PLA2G15: variants seen among roughly 807,000 people sequenced by gnomAD.
PLA2G15 encodes the protein lysosomal phospholipase A and acyltransferase.
Under a neutral mutation model 40.9 loss-of-function variants are expected in PLA2G15, and 20 were observed. The observed-to-expected ratio is 0.49, with a 90% confidence interval of 0.34 to 0.71. The LOEUF is 0.71. Ranked by LOEUF, PLA2G15 falls within the 30% of genes least tolerant of loss-of-function variation. The probability of loss-of-function intolerance (pLI) is 0.01; values close to 1 mark genes in which losing one functional copy is unlikely to be tolerated. For synonymous variants in PLA2G15, 223 were observed against 228.2 expected (o/e 0.98, Z 0.21); for missense variants, 471 against 541.9 (o/e 0.87, Z 1.30).
chr16:68,254,586 G>A (rs1019679481), intron 2 of PLA2G15: 8 of 177,780 alleles, frequency 4.5e-5, no homozygotes, highest in Non-Finnish European at 9.5e-5. Context: ...TGACCTGCCA[G>A]CCTCAGCCTC....
At chr16:68,250,220 G>C in intron 2 of PLA2G15, 1 of 109,438 alleles carries the variant, frequency 9.1e-6, no homozygotes, top group Non-Finnish European at 1.6e-5. Context: ...TGCTCTTATT[G>C]CCCAGGCTGG....
intron 1 of PLA2G15, among the ~76,000 whole-genome samples, chr16:68,247,408 T>C (rs10500543): frequency 0.11 from 16,201 of 152,206 alleles, 991 homozygotes; most frequent in South Asian, 0.2. Flanking sequence ...CCAGTGTTAC[T>C]TGAGGTGAAA....
At chr16:68,253,474 CA>C in intron 2 of PLA2G15, 1 of 434,636 alleles carries the variant, frequency 2.3e-6, no homozygotes, top group Non-Finnish European at 4.6e-6. Context: ...CTCCCAGGCT[CA>C]AGCACTTCTC....
rs2042429336 is a variant in PLA2G15 at position 68,259,625 on chromosome 16, G to A, written c.1207G>A (p.Ala403Thr). 11 of 1,612,962 alleles carry A rather than the reference G, an allele frequency of 6.8e-6. No individual in the cohort carries two copies. The highest frequency in any genetic ancestry group is 9.3e-6 in the Non-Finnish European group (11 of 1,179,886). Residue 403 changes from alanine to threonine, a missense_variant, in exon 6 of 6, where the codon GCC becomes ACC. Coordinates refer to ENST00000219345, the MANE Select transcript of PLA2G15 (RefSeq NM_012320.4). The surrounding 1 kb of genome is among the most constrained non-coding windows in gnomAD (Gnocchi z 6.5). ...GATGCTGGCCAACGCCACCACCCTGGCCTATCTGAAACGTGTGCTCCTTGG... is the reference window on the plus strand; with the variant it reads ...GATGCTGGCCAACGCCACCACCCTGACCTATCTGAAACGTGTGCTCCTTGG... ...IEMLANATTL[A>T]YLKRVLLGP is the part of the protein sequence containing the mutation.
chr16:68,249,488 A>G, intron 2 of PLA2G15, 42 bp downstream of exon 2: 2 of 1,576,086 alleles, frequency 1.3e-6, no homozygotes, highest in Non-Finnish European at 1.7e-6. Flanking sequence ...GCTCACCAAC[A>G]GTGCCTGAGA....
chr16:68,255,937 C>T lies in PLA2G15; in HGVS notation c.674C>T (p.Ser225Leu). Residue 225 changes from serine to leucine, a missense_variant, in exon 5 of 6, where the codon TCA becomes TTA. By Grantham distance (145) the Ser-to-Leu change is moderately radical. Transcript: ENST00000219345. The surrounding 1 kb of genome is among the most constrained non-coding windows in gnomAD (Gnocchi z 5.9). The part of the protein sequence containing the change: ...WKDKYIRAFV[S>L]LGAPWGGVAK... ...GACAAGTATATCCGGGCCTTCGTGTCACTGGGTGCGCCCTGGGGGGGCGTG... is the reference window on the plus strand; with the variant it reads ...GACAAGTATATCCGGGCCTTCGTGTTACTGGGTGCGCCCTGGGGGGGCGTG... 4 of 1,612,566 alleles carry T rather than the reference C, an allele frequency of 2.5e-6. No individual in the cohort carries two copies. The highest frequency in any genetic ancestry group is 3.4e-6 in the Non-Finnish European group (4 of 1,179,864).
In PLA2G15 at chr16:68,259,753, C is replaced by T. The variant is rs1428336508; in HGVS notation, c.*96C>T. On this transcript the variant is annotated 3_prime_UTR_variant, in exon 6 of 6. Transcript: ENST00000219345. This position sits in a 1 kb window ranked among gnomAD's most constrained non-coding sequence, Gnocchi z 6.5. The stretch of plus-strand genomic sequence containing the variant: ...CGCGTTTTGCAAAGTTTGTGACTCA[C>T]CATTCAAGGCCCCGAGTCTTGGACT... 5 of 1,116,470 alleles carry T rather than the reference C, an allele frequency of 4.5e-6. No individual in the cohort carries two copies. The highest frequency in any genetic ancestry group is 6.4e-6 in the Non-Finnish European group (5 of 778,512). The allele number at this position is 1,116,470 out of a possible 1,614,324, so 69.2% of individuals were successfully genotyped here. A position where few individuals can be genotyped will look rare whatever the true frequency, so the allele number is the denominator to read the frequency against.
At chr16:68,258,069 A>G (rs2151206400) in intron 5 of PLA2G15, among the ~76,000 whole-genome samples, 1 of 152,216 alleles carries the variant, frequency 6.6e-6, no homozygotes, top group East Asian at 1.9e-4. Context: ...GTGACCATGG[A>G]TCCTGAACAG....
intron 5 of PLA2G15, among the ~76,000 whole-genome samples, chr16:68,256,953 T>A (rs991748593): frequency 6.6e-6 from 1 of 150,714 alleles, no homozygotes; most frequent in African/African-American, 2.4e-5. Context: ...GTGATTTTGG[T>A]TCATGCAACC....
At chr16:68,253,482 TCTC>T (rs141030968) in intron 2 of PLA2G15, 5,538 of 435,776 alleles carry the variant, frequency 0.013, 83 homozygotes, top group Non-Finnish European at 0.017. Flanking sequence ...CTCAAGCACT[TCTC>T]CTGCCTCAGA....
At chr16:68,250,084 T>A (rs2042341031) in intron 2 of PLA2G15, among the ~76,000 whole-genome samples, 1 of 151,794 alleles carries the variant, frequency 6.6e-6, no homozygotes, top group Non-Finnish European at 1.5e-5. Flanking sequence ...CTGCTTATTC[T>A]TCTTGGGACA....
At chr16:68,254,559 C>T (rs1233899848) in intron 2 of PLA2G15, 3 of 169,048 alleles carry the variant, frequency 1.8e-5, no homozygotes, top group Admixed American at 5.9e-5. Flanking sequence ...AGGCTGGTCT[C>T]AAACTCCTCA....
chr16:68,258,044 A>G (rs2042415321), intron 5 of PLA2G15, among the ~76,000 whole-genome samples: 3 of 152,112 alleles, frequency 2.0e-5, no homozygotes. Flanking sequence ...TTTCAGATAC[A>G]GGGTGGGGTG....
At chr16:68,248,245 TG>T (rs994439285) in intron 1 of PLA2G15, 5 of 152,386 alleles carry the variant, frequency 3.3e-5, no homozygotes, top group Admixed American at 2.6e-4. Flanking sequence ...CTGCATACTT[TG>T]TCTGGTTGAA....
chr16:68,254,448 C>G (rs750889222), intron 2 of PLA2G15: 1 of 154,722 alleles, frequency 6.5e-6, no homozygotes, highest in African/African-American at 2.4e-5. Context: ...TCAAGCGATT[C>G]TCCTGCCTCA....
intron 2 of PLA2G15, among the ~76,000 whole-genome samples, chr16:68,251,796 G>C (rs1389742033): frequency 6.6e-6 from 1 of 151,448 alleles, no homozygotes; most frequent in Admixed American, 6.6e-5. Context: ...GGAGGCAGAG[G>C]TTGCAGTGAG....
chr16:68,246,935 G>A (rs1204348177), intron 1 of PLA2G15, among the ~76,000 whole-genome samples: 1 of 152,180 alleles, frequency 6.6e-6, no homozygotes, highest in Non-Finnish European at 1.5e-5. Flanking sequence ...AGAGTTCTAA[G>A]TCTGAGGGGC....
rs762939782 is a variant in PLA2G15, at chr16:68,255,903, G to C, written c.640G>C (p.Ala214Pro). Residue 214 changes from alanine to proline, a missense_variant, in exon 5 of 6, where the codon GCC becomes CCC. Physicochemically the swap from Ala to Pro is conservative, Grantham distance 27. Transcript: ENST00000219345. This position sits in a 1 kb window ranked among gnomAD's most constrained non-coding sequence, Gnocchi z 5.9. The stretch of plus-strand genomic sequence containing the variant: ...CTACTTTCTGCAGCGGCAGCCGCAG[G>C]CCTGGAAGGACAAGTATATCCGGGC... ...TLYFLQRQPQ[A>P]WKDKYIRAFV... The C allele has an allele frequency of 6.2e-7, 1 of 1,613,840 alleles. No homozygotes were observed. The highest frequency in any genetic ancestry group is 1.7e-5 in the Admixed American group (1 of 60,022).
At position 68,245,499 on chromosome 16, in the gene PLA2G15, A is replaced by C; in HGVS notation, c.73A>C (p.Met25Leu). 1.2e-6 allele frequency: 2 copies of C among 1,604,882 alleles called. No homozygotes were observed. The highest frequency in any genetic ancestry group is 1.7e-6 in the Non-Finnish European group (2 of 1,179,058). ...DGLLFLLLLL[M>L]LLADPALPAG... is the part of the protein sequence containing the mutation. The stretch of plus-strand genomic sequence containing the variant: ...CCTCCTGTTCCTCTTGCTGCTGCTA[A>C]TGCTGCTCGCGGACCCAGCGCTCCC... The change falls in exon 1 of 6, where the codon ATG (methionine) becomes CTG (leucine). Residue 25 changes from methionine to leucine, a missense_variant. Met to Leu is a conservative substitution (Grantham distance 15, BLOSUM62 2). Coordinates refer to ENST00000219345, the MANE Select transcript of PLA2G15 (RefSeq NM_012320.4).
Sources: allele counts gnomAD v4.1 joint callset (sites outside exome capture counted in the v4.1 genomes callset), GRCh38; gene constraint gnomAD v4.1.1; non-coding constraint Gnocchi (gnomAD v3.1); transcripts MANE v1.5; gene names NCBI Gene and HGNC (gene_info 2026-07-23, HGNC 2026-07-21).